NADK: variants seen among roughly 807,000 people sequenced by gnomAD.
The protein encoded by NADK is NAD kinase, also known as poly(P)/ATP NAD kinase.
A neutral mutation model predicts 49.8 loss-of-function variants in NADK; 22 were observed. The observed-to-expected ratio is 0.44, with a 90% CI of 0.32 to 0.63. The LOEUF (loss-of-function observed/expected upper bound fraction) is 0.63, where lower values mean the gene tolerates loss of function less well. NADK is among the 30% of genes least tolerant of loss of function. NADK has a pLI of 0.06. For missense variants in NADK, 438 were observed against 609.4 expected, an observed-to-expected ratio of 0.72 and a Z score of 2.96; for synonymous variants, 268 against 253.7, an observed-to-expected ratio of 1.06 and a Z score of -0.54.
intron 4 of NADK, 196 bp downstream of exon 4, chr1:1,756,985 C>T: frequency 4.2e-6 from 4 of 945,672 alleles, no homozygotes; most frequent in Non-Finnish European, 6.8e-6. Flanking sequence ...TTGTTGGTCA[C>T]CCAGTCTGGT....
chr1:1,775,314 C>T (rs1397245148), intron 1 of NADK, among the ~76,000 whole-genome samples: 1 of 152,028 alleles, frequency 6.6e-6, no homozygotes, highest in Non-Finnish European at 1.5e-5. Flanking sequence ...TGTAAGAACT[C>T]AATCAATATT....
Position 1,754,907 on chromosome 1 carries a change from T to C in NADK, c.689-209A>G, listed in dbSNP as rs1370578668. Reference sequence around the variant, plus strand: ...TGTGATCTTGGCTCACTGCAACCTCTGCCTCCCAGGTTCAAGTGATTCTCC... The same window carrying C: ...TGTGATCTTGGCTCACTGCAACCTCCGCCTCCCAGGTTCAAGTGATTCTCC... On this transcript the variant is annotated intron_variant, in intron 7 of 11. Coordinates refer to ENST00000341426, the MANE Select transcript of NADK (RefSeq NM_023018.5). The surrounding 1 kb of genome is among the most constrained non-coding windows in gnomAD (Gnocchi z 4.3). 6 of 522,780 alleles carry C rather than the reference T, an allele frequency of 1.1e-5. No homozygotes were observed. The highest frequency in any genetic ancestry group is 1.0e-4 in the East Asian group (3 of 29,026). 32.4% of individuals were successfully genotyped at this position (522,780 alleles called of 1,614,324 possible).
chr1:1,757,168 C>G lies in NADK; in HGVS notation c.393+13G>C, dbSNP rs766691195. 1.9e-5 allele frequency: 30 copies of G among 1,607,770 alleles called. No homozygotes were observed. Among genetic ancestry groups the G allele is most frequent in the Admixed American group, 3.3e-5 (2 of 59,866 alleles). Reference sequence around the variant, plus strand: ...TGTGCACCCCAGGCCCCCTTCCCCCCTGCCCCGCGTGCCTCCATGAGGTGC... The same window carrying G: ...TGTGCACCCCAGGCCCCCTTCCCCCGTGCCCCGCGTGCCTCCATGAGGTGC... On this transcript the variant is annotated intron_variant, in intron 4 of 11. Coordinates refer to ENST00000341426, the MANE Select transcript of NADK (RefSeq NM_023018.5).
At chr1:1,756,144 G>C (rs1645512592) in intron 6 of NADK, 114 bp downstream of exon 6, 1 of 1,033,166 alleles carries the variant, frequency 9.7e-7, no homozygotes, top group African/African-American at 1.6e-5. Flanking sequence ...GCCGCTCTAG[G>C]TGACTGCTCT....
At chr1:1,775,259 G>A (rs1646178903) in intron 1 of NADK, among the ~76,000 whole-genome samples, 1 of 152,142 alleles carries the variant, frequency 6.6e-6, no homozygotes, top group African/African-American at 2.4e-5. Context: ...ATGAACAAAA[G>A]TCACACACAC....
intron 1 of NADK, among the ~76,000 whole-genome samples, chr1:1,773,719 TGTG>T (rs1646124312): frequency 7.3e-6 from 1 of 137,130 alleles, no homozygotes; most frequent in Non-Finnish European, 1.6e-5. Flanking sequence ...TGTGTGTGTG[TGTG>T]TGTGTGTGAG....
intron 3 of NADK, chr1:1,759,811 G>A (rs1022973573): frequency 1.9e-6 from 3 of 1,554,080 alleles, no homozygotes; most frequent in Non-Finnish European, 2.6e-6. Flanking sequence ...GGCTGAGGCA[G>A]AACATGCACC....
chr1:1,753,345 C>T (rs1201650017), intron 11 of NADK, among the ~76,000 whole-genome samples: 1 of 152,182 alleles, frequency 6.6e-6, no homozygotes, highest in African/African-American at 2.4e-5. Context: ...AGGGGGGACA[C>T]CCTCAGGCCT....
intron 4 of NADK, 33 bp downstream of exon 4, chr1:1,757,148 A>AGCCCCCCCCC: frequency 1.2e-6 from 1 of 859,202 alleles, no homozygotes; most frequent in Non-Finnish European, 1.8e-6. Context: ...CTCCATGTGC[A>AGCCCCCCCCC]CCCCAGGCCC....
upstream of NADK, among the ~76,000 whole-genome samples, chr1:1,779,735 T>C (rs1180006254): frequency 1.3e-5 from 2 of 152,036 alleles, no homozygotes; most frequent in Non-Finnish European, 2.9e-5. Context: ...GGTCTCAAAC[T>C]TCACCCGCCT....
At chr1:1,759,971 C>T in intron 3 of NADK, 1 of 1,487,788 alleles carries the variant, frequency 6.7e-7, no homozygotes. Context: ...GTGCCAGGGA[C>T]ACAGCAAGCA....
chr1:1,753,122 A>G lies in NADK; in HGVS notation c.1185-62T>C, dbSNP rs145523144. Reference sequence around the variant, plus strand: ...CAGAAAGGCCCACCCCCGGCCAAGAACCCTTCCTCCCTCCCTCCCTGGGAA... The same window carrying G: ...CAGAAAGGCCCACCCCCGGCCAAGAGCCCTTCCTCCCTCCCTCCCTGGGAA... On this transcript the variant is annotated intron_variant, in intron 11 of 11. Coordinates refer to ENST00000341426, the MANE Select transcript of NADK (RefSeq NM_023018.5). The G allele has an allele frequency of 1.1e-5, 17 of 1,538,080 alleles. No homozygotes were observed. The African/African-American group carries it at 2.2e-4, about 20-fold the overall frequency.
intron 3 of NADK, among the ~76,000 whole-genome samples, chr1:1,760,523 G>A (rs1645686694): frequency 6.6e-6 from 1 of 152,242 alleles, no homozygotes; most frequent in African/African-American, 2.4e-5. Context: ...GTGCCTGTCA[G>A]CAAAGGGCCA....
At chr1:1,759,768 G>C in intron 3 of NADK, 1 of 1,556,818 alleles carries the variant, frequency 6.4e-7, no homozygotes, top group Non-Finnish European at 8.7e-7. Flanking sequence ...GCCTCGGGCA[G>C]CTCGGGGACC....
chr1:1,757,138 C>T (rs1302027303), intron 4 of NADK, 43 bp downstream of exon 4: 6 of 1,543,780 alleles, frequency 3.9e-6, no homozygotes, highest in Non-Finnish European at 5.2e-6. Context: ...GCCCCCCCAA[C>T]TCCATGTGCA....
intron 3 of NADK, chr1:1,759,122 A>T: frequency 6.4e-7 from 1 of 1,552,562 alleles, no homozygotes; most frequent in South Asian, 1.2e-5. Flanking sequence ...GCCTACACCC[A>T]TTCCAGCCCT....
chr1:1,764,895 A>T lies in NADK; in HGVS notation c.179+333T>A, dbSNP rs35270315. ...CAGCTTGGGGGACAGAGCGAGACTC[A>T]GTCTCAAAAAAAAGTTTCCTCTCCA... On this transcript the variant is annotated intron_variant, in intron 2 of 11. Coordinates refer to ENST00000341426, the MANE Select transcript of NADK (RefSeq NM_023018.5). Among the ~76,000 whole-genome samples, 1,054 of 152,094 alleles carry T rather than the reference A, an allele frequency of 6.9e-3. 17 individuals carry two copies. The highest frequency in any genetic ancestry group is 0.024 in the African/African-American group (1,004 of 41,514).
intron 4 of NADK, 99 bp from the exon 5 acceptor site, chr1:1,756,707 C>A (rs751937113): frequency 1.1e-5 from 18 of 1,590,164 alleles, no homozygotes; most frequent in Non-Finnish European, 1.5e-5. Flanking sequence ...GACCTGGCAT[C>A]GTGGCCTGCA....
chr1:1,753,102 A>G (rs1645380186), intron 11 of NADK, 42 bp from the exon 12 acceptor site: 2 of 1,579,814 alleles, frequency 1.3e-6, no homozygotes, highest in African/African-American at 1.3e-5. Context: ...GCTTCCAGAA[A>G]GGCCCACCCC....
Sources: gnomAD v4.1 joint callset for allele counts (sites outside exome capture counted in the v4.1 genomes callset) on GRCh38, gnomAD v4.1.1 for gene constraint, Gnocchi (gnomAD v3.1) non-coding constraint, MANE v1.5 for transcripts, NCBI Gene and HGNC (gene_info 2026-07-23, HGNC 2026-07-21) for gene names.